Variants in MCF2L2 observed in about 807,000 individuals in gnomAD.
MCF2L2 encodes the protein probable guanine nucleotide exchange factor MCF2L2.
Under a neutral mutation model 150.2 loss-of-function variants are expected in MCF2L2, and 102 were observed. The observed-to-expected ratio is 0.68, with a 90% confidence interval of 0.58 to 0.80. The LOEUF (loss-of-function observed/expected upper bound fraction) is 0.80. Ranked by LOEUF, MCF2L2 falls within the 30% of genes least tolerant of loss-of-function variation. MCF2L2 has a pLI of 0.00. For synonymous variants in MCF2L2, 465 were observed against 491.3 expected (o/e 0.95, Z 0.71); for missense variants, 1,256 against 1,372.8 (o/e 0.91, Z 1.34).
chr3:183,206,091 AG>A (rs1419833550), intron 24 of MCF2L2, 30 bp downstream of exon 24: 1 of 1,593,824 alleles, frequency 6.3e-7, no homozygotes, highest in Non-Finnish European at 8.6e-7. Context: ...GAAAGAGTAG[AG>A]GAGACCCATG....
chr3:183,200,973 A>G (rs1722258986), intron 25 of MCF2L2, among the ~76,000 whole-genome samples: 1 of 152,022 alleles, frequency 6.6e-6, no homozygotes, highest in Non-Finnish European at 1.5e-5. Flanking sequence ...GTTCTGTTCC[A>G]TTGGTCTATA....
chr3:183,200,093 C>T (rs201861884), intron 25 of MCF2L2, among the ~76,000 whole-genome samples: 1 of 151,968 alleles, frequency 6.6e-6, no homozygotes, highest in African/African-American at 2.4e-5. Context: ...CATACGTGTG[C>T]ATGTATCTTT....
At chr3:183,213,070 T>G (rs553676031) in intron 22 of MCF2L2, among the ~76,000 whole-genome samples, 1 of 151,952 alleles carries the variant, frequency 6.6e-6, no homozygotes, top group South Asian at 2.1e-4. Context: ...GAAACTGAAA[T>G]AGAAATAAAA....
At chr3:183,416,905 C>T (rs529106898) in intron 1 of MCF2L2, among the ~76,000 whole-genome samples, 47 of 151,724 alleles carry the variant, frequency 3.1e-4, no homozygotes, top group South Asian at 2.5e-3. Flanking sequence ...GTCAGGAGAT[C>T]GAGACCATCC....
rs78189343 is a variant in MCF2L2 at position 183,260,465 on chromosome 3, T to C, written c.1862+16407A>G. Among the ~76,000 whole-genome samples, 1,002 of 152,326 alleles carry C rather than the reference T, an allele frequency of 6.6e-3. 13 individuals carry two copies. The highest frequency in any genetic ancestry group is 0.023 in the African/African-American group (970 of 41,566). ...GGGCCAAGCTCAGAAAAGCGAGTGT[T>C]TGACCTCTCTGAGACCTCCTTTATA... On this transcript the variant is annotated intron_variant, in intron 15 of 29. Transcript: ENST00000328913.
intron 18 of MCF2L2, chr3:183,225,376 G>A (rs1308799373): frequency 6.6e-6 from 1 of 152,168 alleles, no homozygotes; most frequent in African/African-American, 2.4e-5. Flanking sequence ...TAACAATATA[G>A]TATTGACCTA....
chr3:183,307,254 C>A (rs1163069812), intron 10 of MCF2L2, among the ~76,000 whole-genome samples: 1 of 152,128 alleles, frequency 6.6e-6, no homozygotes, highest in Non-Finnish European at 1.5e-5. Context: ...CAGATTGTGG[C>A]CAGACACAGT....
At chr3:183,285,300 A>G (rs1431159378) in intron 14 of MCF2L2, among the ~76,000 whole-genome samples, 1 of 152,254 alleles carries the variant, frequency 6.6e-6, no homozygotes, top group East Asian at 1.9e-4. Context: ...ACCATTTGGC[A>G]GAAAAGGACA....
At chr3:183,228,498 T>TTATCG (rs1380752680) in intron 17 of MCF2L2, 132 bp from the exon 18 acceptor site, 144 of 580,260 alleles carry the variant, frequency 2.5e-4, no homozygotes, top group Non-Finnish European at 4.0e-4. Context: ...TGCTCTTATC[T>TTATCG]TCTACACATT....
chr3:183,230,664 A>G (rs556968121), intron 16 of MCF2L2, among the ~76,000 whole-genome samples: 17 of 152,378 alleles, frequency 1.1e-4, no homozygotes, highest in Non-Finnish European at 2.2e-4. Context: ...TTATTAAAGT[A>G]TCAGGAACAC....
At chr3:183,326,725 T>C (rs1730058646) in intron 5 of MCF2L2, among the ~76,000 whole-genome samples, 1 of 151,958 alleles carries the variant, frequency 6.6e-6, no homozygotes, top group Non-Finnish European at 1.5e-5. Context: ...TGTATGTAGC[T>C]CTGTCATTTT....
At chr3:183,415,450 G>A (rs1715539710) in intron 1 of MCF2L2, among the ~76,000 whole-genome samples, 1 of 152,156 alleles carries the variant, frequency 6.6e-6, no homozygotes, top group African/African-American at 2.4e-5. Context: ...GCCTCCCAAA[G>A]TGCTGGGATT....
intron 10 of MCF2L2, among the ~76,000 whole-genome samples, chr3:183,306,183 C>G (rs1729088267): frequency 6.6e-6 from 1 of 151,924 alleles, no homozygotes; most frequent in Non-Finnish European, 1.5e-5. Context: ...GTGTTCTTGT[C>G]ACCTTCCAGC....
intron 18 of MCF2L2, 168 bp downstream of exon 18, chr3:183,228,129 T>C: frequency 1.7e-6 from 1 of 591,368 alleles, no homozygotes; most frequent in Non-Finnish European, 3.0e-6. Flanking sequence ...TGTTGTATAG[T>C]TTGAATATAT....
chr3:183,215,064 C>T (rs1462041973), intron 22 of MCF2L2, among the ~76,000 whole-genome samples: 1 of 152,084 alleles, frequency 6.6e-6, no homozygotes, highest in Non-Finnish European at 1.5e-5. Context: ...TACCTCTGCT[C>T]ATAGAAGCCA....
intron 3 of MCF2L2, among the ~76,000 whole-genome samples, chr3:183,361,613 G>A (rs752144811): frequency 2.0e-5 from 3 of 152,142 alleles, no homozygotes; most frequent in South Asian, 2.1e-4. Context: ...CATGCTTCCT[G>A]TACAACCTGT....
At chr3:183,411,450 G>C (rs4859184) in intron 1 of MCF2L2, among the ~76,000 whole-genome samples, 22,435 of 152,138 alleles carry the variant, frequency 0.15, 1,922 homozygotes, top group South Asian at 0.21. Context: ...ACTAACACCC[G>C]AAAGGGAGCC....
chr3:183,201,022 C>T (rs1329255390), intron 25 of MCF2L2, among the ~76,000 whole-genome samples: 2 of 152,294 alleles, frequency 1.3e-5, no homozygotes, highest in African/African-American at 2.4e-5. Context: ...GTTTTGATTA[C>T]TGTAGCCTTG....
At chr3:183,188,372 C>T (rs940082201) in intron 27 of MCF2L2, among the ~76,000 whole-genome samples, 4 of 152,184 alleles carry the variant, frequency 2.6e-5, no homozygotes, top group African/African-American at 9.7e-5. Flanking sequence ...TCCCCGTGTT[C>T]ATCACTAGAG....
Sources: allele counts gnomAD v4.1 joint callset (sites outside exome capture counted in the v4.1 genomes callset), GRCh38; gene constraint gnomAD v4.1.1; transcripts MANE v1.5; gene names NCBI Gene and HGNC (gene_info 2026-07-23, HGNC 2026-07-21).